Variants in TRIQK observed in about 807,000 individuals in gnomAD.
TRIQK encodes the protein triple QxxK/R motif containing.
Under a neutral mutation model 10.8 loss-of-function variants are expected in TRIQK, and 10 were observed. That is an observed-to-expected ratio of 0.92 (90% CI 0.57 to 1.57). The LOEUF is 1.57. Among genes scored for constraint, TRIQK ranks in the 40% most tolerant of loss-of-function variants. The probability of loss-of-function intolerance (pLI) is 0.00; values close to 1 mark genes in which losing one functional copy is unlikely to be tolerated. For synonymous variants in TRIQK, 33 were observed against 33.7 expected (o/e 0.98, Z 0.07); for missense variants, 107 against 97.7 (o/e 1.09, Z -0.40).
chr8:92,917,033 G>A (rs780884941), intron 2 of TRIQK, 23 bp from the exon 3 acceptor site: 3 of 1,433,532 alleles, frequency 2.1e-6, no homozygotes, highest in South Asian at 2.9e-5. Flanking sequence ...CAATTATAAT[G>A]AAAATTTTTT....
chr8:93,002,994 C>A (rs28846682), intron 1 of TRIQK, among the ~76,000 whole-genome samples: 4 of 151,630 alleles, frequency 2.6e-5, no homozygotes, highest in African/African-American at 9.7e-5. Flanking sequence ...CAGCATTACC[C>A]TAATACCAAA....
intron 1 of TRIQK, among the ~76,000 whole-genome samples, chr8:92,995,702 A>G (rs1813146299): frequency 6.6e-6 from 1 of 151,988 alleles, no homozygotes; most frequent in South Asian, 2.1e-4. Context: ...AGAAAGTCAA[A>G]CATATGTTAT....
chr8:92,888,223 T>A (rs1184317086), intron 4 of TRIQK, among the ~76,000 whole-genome samples: 1 of 151,702 alleles, frequency 6.6e-6, no homozygotes, highest in Non-Finnish European at 1.5e-5. Context: ...CCAAGCTTAA[T>A]GCAAGAATTA....
intron 3 of TRIQK, among the ~76,000 whole-genome samples, chr8:92,912,829 G>A (rs1023732717): frequency 6.6e-6 from 1 of 151,712 alleles, no homozygotes; most frequent in African/African-American, 2.4e-5. Context: ...TGAATCAATA[G>A]TCAGAAACTT....
At chr8:92,889,629 A>G (rs905002558) in intron 4 of TRIQK, among the ~76,000 whole-genome samples, 1 of 151,668 alleles carries the variant, frequency 6.6e-6, no homozygotes, top group Non-Finnish European at 1.5e-5. Flanking sequence ...CAAACTGGGA[A>G]TGGCTAATTC....
intron 2 of TRIQK, among the ~76,000 whole-genome samples, chr8:92,946,586 T>G (rs2130636735): frequency 6.6e-6 from 1 of 152,276 alleles, no homozygotes; most frequent in South Asian, 2.1e-4. Context: ...GAGATTTTTT[T>G]GAAAGCAAAC....
intron 2 of TRIQK, among the ~76,000 whole-genome samples, chr8:92,918,781 C>CA (rs1405963301): frequency 6.6e-6 from 1 of 151,128 alleles, no homozygotes; most frequent in African/African-American, 2.4e-5. Context: ...TCTTACCCCC[C>CA]CCCACAATTT....
upstream of TRIQK, among the ~76,000 whole-genome samples, chr8:92,969,285 G>A (rs1254417208): frequency 6.6e-6 from 1 of 151,954 alleles, no homozygotes; most frequent in Non-Finnish European, 1.5e-5. Context: ...CTCTTTTTTG[G>A]TTACATATTT....
intron 3 of TRIQK, among the ~76,000 whole-genome samples, chr8:92,907,887 T>A (rs1407999295): frequency 6.6e-6 from 1 of 152,112 alleles, no homozygotes; most frequent in Non-Finnish European, 1.5e-5. Context: ...AAAACATATT[T>A]AATAAAAATA....
At chr8:92,965,789 C>A (rs903679203) in intron 1 of TRIQK, 4 of 152,550 alleles carry the variant, frequency 2.6e-5, no homozygotes, top group African/African-American at 9.6e-5. Context: ...GGGAACGGGT[C>A]CTTCAGTGAT....
chr8:92,971,059 TC>T (rs1419804237), upstream of TRIQK, among the ~76,000 whole-genome samples: 4 of 152,212 alleles, frequency 2.6e-5, no homozygotes, highest in Non-Finnish European at 5.9e-5. Flanking sequence ...GGGAATCCTT[TC>T]CCCATTGCTT....
At chr8:92,964,392 G>A (rs1812621865) in intron 1 of TRIQK, among the ~76,000 whole-genome samples, 2 of 151,092 alleles carry the variant, frequency 1.3e-5, no homozygotes, top group South Asian at 4.2e-4. Flanking sequence ...AGTGGTAAAT[G>A]ACACCAAAAA....
chr8:92,965,672 A>T (rs922104157), intron 1 of TRIQK: 2 of 152,426 alleles, frequency 1.3e-5, no homozygotes, highest in African/African-American at 2.4e-5. Context: ...CTGGCGCCAG[A>T]CACGCTGGCA....
At position 92,883,780 on chromosome 8, in the gene TRIQK, G is replaced by C. The variant is rs1321959221; in HGVS notation, c.*2842C>G. On this transcript the variant is annotated 3_prime_UTR_variant, in exon 5 of 5. Transcript: ENST00000521988. Reference sequence around the variant, plus strand: ...TTCTGTCTTCATGAAAAATTAAAAAGATAGAAAATCTTGAAGTATTTTGCT... The same window carrying C: ...TTCTGTCTTCATGAAAAATTAAAAACATAGAAAATCTTGAAGTATTTTGCT... 6.6e-6 allele frequency: 1 copy of C among 151,656 alleles called. No homozygotes were observed. The highest frequency in any genetic ancestry group is 1.5e-5 in the Non-Finnish European group (1 of 67,804). The allele number at this position is 151,656 out of a possible 1,614,324, so 9.4% of individuals were successfully genotyped here. A position where few individuals can be genotyped will look rare whatever the true frequency, so the allele number is the denominator to read the frequency against.
intron 3 of TRIQK, among the ~76,000 whole-genome samples, chr8:92,916,553 T>C (rs1314867654): frequency 6.6e-6 from 1 of 152,098 alleles, no homozygotes; most frequent in African/African-American, 2.4e-5. Context: ...AATTTTGAAG[T>C]TATCAAATTA....
chr8:92,950,681 T>C (rs770814013), intron 2 of TRIQK, among the ~76,000 whole-genome samples: 2 of 152,142 alleles, frequency 1.3e-5, no homozygotes, highest in Non-Finnish European at 2.9e-5. Context: ...GCCTCAAACC[T>C]TTAATTTCCA....
chr8:92,899,900 C>A (rs1037111325), intron 3 of TRIQK, among the ~76,000 whole-genome samples: 1 of 151,218 alleles, frequency 6.6e-6, no homozygotes, highest in East Asian at 1.9e-4. Context: ...TCCTCCACAT[C>A]CTCACCAGCA....
At chr8:92,956,029 C>G (rs1380817513) in intron 1 of TRIQK, among the ~76,000 whole-genome samples, 1 of 151,692 alleles carries the variant, frequency 6.6e-6, no homozygotes, top group African/African-American at 2.4e-5. Flanking sequence ...CACGGAGTTA[C>G]CACGTGACCA....
chr8:92,949,503 T>C (rs1037613479), intron 2 of TRIQK, among the ~76,000 whole-genome samples: 2 of 144,256 alleles, frequency 1.4e-5, no homozygotes, highest in African/African-American at 5.2e-5. Context: ...ATTGAGGCAG[T>C]ATGCAGTCAA....
Sources: gnomAD v4.1 joint callset for allele counts (sites outside exome capture counted in the v4.1 genomes callset) on GRCh38, gnomAD v4.1.1 for gene constraint, MANE v1.5 for transcripts, NCBI Gene and HGNC (gene_info 2026-07-23, HGNC 2026-07-21) for gene names.